The following NNMT variants were observed in gnomAD, a reference collection of about 807,000 sequenced individuals.
The protein encoded by NNMT is nicotinamide N-methyltransferase.
In NNMT, 10 loss-of-function variants were observed where a neutral mutation model predicts 11.7. The observed-to-expected ratio is 0.85, with a 90% CI of 0.53 to 1.45. The LOEUF is 1.45. Ranked by LOEUF, NNMT falls within the 40% of genes most tolerant of loss-of-function variation. The pLI is 0.00. For synonymous variants in NNMT, 143 were observed against 133.8 expected (o/e 1.07, Z -0.48); for missense variants, 381 against 319.4 (o/e 1.19, Z -1.47).
Position 114,302,795 on chromosome 11 carries a change from G to A in NNMT, c.362+4637G>A, listed in dbSNP as rs542000232. Among the ~76,000 whole-genome samples the A allele has an allele frequency of 4.6e-5, 7 of 152,172 alleles. No homozygotes were observed. In the East Asian group the frequency reaches 5.8e-4, roughly 13 times the overall value. On this transcript the variant is annotated intron_variant, in intron 2 of 2. Coordinates refer to ENST00000299964, the MANE Select transcript of NNMT (RefSeq NM_006169.3). ...CCCCTTATGATGGTATTAAGAGGTC[G>A]GGGCTTTGAAAGGTCATTAGGTCAT...
Position 114,296,457 on chromosome 11 carries a change from T to C in NNMT, c.-100T>C. 7.9e-7 allele frequency: 1 copy of C among 1,266,328 alleles called. No homozygotes were observed. The highest frequency in any genetic ancestry group is 1.1e-6 in the Non-Finnish European group (1 of 907,910). 78.4% of individuals were successfully genotyped at this position (1,266,328 alleles called of 1,614,324 possible). A position where few individuals can be genotyped will look rare whatever the true frequency, so the allele number is the denominator to read the frequency against. On this transcript the variant is annotated 5_prime_UTR_variant, in exon 1 of 3. Coordinates refer to ENST00000299964, the MANE Select transcript of NNMT (RefSeq NM_006169.3). ...GCTGAACTGATGGAAGGAATGCTGTTAGCCTGAGACTCAGGAAGACAACTT... is the reference window on the plus strand; with the variant it reads ...GCTGAACTGATGGAAGGAATGCTGTCAGCCTGAGACTCAGGAAGACAACTT...
Position 114,278,788 on chromosome 11 carries a change from G to C in NNMT, c.-130+15854G>C, listed in dbSNP as rs143760437. Among the ~76,000 whole-genome samples the C allele has an allele frequency of 3.3e-4, 51 of 152,256 alleles. No individual in the cohort carries two copies. In the East Asian group the frequency reaches 8.1e-3, roughly 24 times the overall value. ...GGTCAGATCAGAAGTTGGATACCAG[G>C]AGAAGCTTGCAGCAGATGGGACCAG... On this transcript the variant is annotated intron_variant, in intron 2 of 4. Transcript: ENST00000535401.
rs142110345 is a variant in NNMT at position 114,266,970 on chromosome 11, A to G, written c.-130+4036A>G. Among the ~76,000 whole-genome samples the G allele has an allele frequency of 3.5e-4, 53 of 152,360 alleles. No homozygotes were observed. In the East Asian group the frequency reaches 9.1e-3, roughly 26 times the overall value. ...AATAGACTGAGAAACCATCCCATCT[A>G]TAGTTTGTTTTCAGCTGGGCACGGT... On this transcript the variant is annotated intron_variant, in intron 2 of 4. Transcript: ENST00000535401.
At chr11:114,310,452 G>C (rs763142336) in intron 2 of NNMT, among the ~76,000 whole-genome samples, 2 of 152,198 alleles carry the variant, frequency 1.3e-5, no homozygotes, top group Non-Finnish European at 2.9e-5. Context: ...GATTATATTC[G>C]CTAGGATTAA....
chr11:114,262,731 AC>A (rs1565717418), intron 1 of NNMT: 1 of 152,218 alleles, frequency 6.6e-6, no homozygotes, highest in African/African-American at 2.4e-5. Context: ...CTAGGACTCT[AC>A]TATAGAGCCA....
intron 2 of NNMT, among the ~76,000 whole-genome samples, chr11:114,304,988 G>T (rs1458125289): frequency 1.3e-5 from 2 of 151,070 alleles, no homozygotes; most frequent in East Asian, 1.9e-4. Flanking sequence ...TGTAGAAGCT[G>T]CATTACTTAA....
intron 2 of NNMT, among the ~76,000 whole-genome samples, chr11:114,280,573 T>C (rs923300483): frequency 1.3e-5 from 2 of 151,720 alleles, no homozygotes; most frequent in Non-Finnish European, 2.9e-5. Flanking sequence ...CAGAGAAGGG[T>C]CTTAGGTACT....
chr11:114,264,698 C>T (rs1012916088), intron 2 of NNMT, among the ~76,000 whole-genome samples: 1 of 152,238 alleles, frequency 6.6e-6, no homozygotes, highest in African/African-American at 2.4e-5. Flanking sequence ...TTGATCCGTG[C>T]TTCTGATGAC....
chr11:114,287,873 C>A (rs551138427), intron 2 of NNMT, among the ~76,000 whole-genome samples: 1 of 152,076 alleles, frequency 6.6e-6, no homozygotes, highest in Non-Finnish European at 1.5e-5. Context: ...CATGAAGTGG[C>A]GTATTTCTCC....
Position 114,308,851 on chromosome 11 carries a change from A to T in NNMT, c.363-3194A>T, listed in dbSNP as rs186321114. Among the ~76,000 whole-genome samples the T allele has an allele frequency of 5.9e-4, 90 of 152,220 alleles. 2 individuals are homozygous for T. The South Asian group carries it at 0.018, about 30-fold the overall frequency. On this transcript the variant is annotated intron_variant, in intron 2 of 2. Coordinates refer to ENST00000299964, the MANE Select transcript of NNMT (RefSeq NM_006169.3). ...GCTGTGTGTCCAAGGACAAGCAGGGATCTATGACACTGGGTGTTTCTAGCA... is the reference window on the plus strand; with the variant it reads ...GCTGTGTGTCCAAGGACAAGCAGGGTTCTATGACACTGGGTGTTTCTAGCA...
At position 114,291,079 on chromosome 11, in the gene NNMT, C is replaced by G. The variant is rs537440033; in HGVS notation, c.-129-5349C>G. 9.2e-5 allele frequency among the ~76,000 whole-genome samples: 14 copies of G among 152,278 alleles called. No individual in the cohort carries two copies. In the East Asian group the frequency reaches 2.5e-3, roughly 27 times the overall value. ...ACTGGACTTCTAAACATAGTCCTTCCTAGACTGTTACAATGATTAAATGAG... is the reference window on the plus strand; with the variant it reads ...ACTGGACTTCTAAACATAGTCCTTCGTAGACTGTTACAATGATTAAATGAG... On this transcript the variant is annotated intron_variant, in intron 2 of 4. Transcript: ENST00000535401.
intron 2 of NNMT, among the ~76,000 whole-genome samples, chr11:114,291,396 A>G (rs1565724322): frequency 6.6e-6 from 1 of 152,156 alleles, no homozygotes; most frequent in Non-Finnish European, 1.5e-5. Context: ...TGCACACACA[A>G]CTTTCCTTTG....
chr11:114,279,166 G>T (rs1945239573), intron 2 of NNMT, among the ~76,000 whole-genome samples: 1 of 152,162 alleles, frequency 6.6e-6, no homozygotes, highest in Non-Finnish European at 1.5e-5. Context: ...TATTGCTATT[G>T]GCCTCACGGG....
chr11:114,312,208 T>C lies in NNMT; in HGVS notation c.526T>C (p.Tyr176His). ...LDAACPDLPT[Y>H]CRALRNLGSL... Reference sequence around the variant, plus strand: ...TGCCGCCTGCCCAGACCTCCCCACCTACTGCAGGGCGCTCAGGAACCTCGG... The same window carrying C: ...TGCCGCCTGCCCAGACCTCCCCACCCACTGCAGGGCGCTCAGGAACCTCGG... The change falls in exon 3 of 3, where the codon TAC (tyrosine) becomes CAC (histidine). Residue 176 changes from tyrosine to histidine, a missense_variant. Coordinates refer to ENST00000299964, the MANE Select transcript of NNMT (RefSeq NM_006169.3). 1 of 1,614,200 alleles carries C rather than the reference T, an allele frequency of 6.2e-7. No homozygotes were observed. Among genetic ancestry groups the C allele is most frequent in the Admixed American group, 1.7e-5 (1 of 60,028 alleles).
At chr11:114,294,477 C>CAAA (rs60331768), upstream of NNMT, among the ~76,000 whole-genome samples, 473 of 123,312 alleles carry the variant, frequency 3.8e-3, 9 homozygotes, top group South Asian at 8.2e-3. Flanking sequence ...GACTCCACAT[C>CAAA]AAAAAAAAAA....
At chr11:114,284,683 C>T (rs892085869) in intron 2 of NNMT, among the ~76,000 whole-genome samples, 7 of 150,582 alleles carry the variant, frequency 4.6e-5, no homozygotes, top group African/African-American at 1.7e-4. Context: ...AGGATGGTCT[C>T]GATCTCCTGA....
chr11:114,286,426 A>G (rs1170135497), intron 2 of NNMT, among the ~76,000 whole-genome samples: 1 of 152,144 alleles, frequency 6.6e-6, no homozygotes, highest in East Asian at 1.9e-4. Flanking sequence ...CTCCCCAGTC[A>G]CCCACAGGCA....
chr11:114,294,876 T>C (rs1461087367), upstream of NNMT, among the ~76,000 whole-genome samples: 1 of 152,178 alleles, frequency 6.6e-6, no homozygotes, highest in Non-Finnish European at 1.5e-5. Context: ...GTTTTTTGGC[T>C]CTCAGTGTAT....
chr11:114,284,627 C>G (rs1386586351), intron 2 of NNMT, among the ~76,000 whole-genome samples: 1 of 151,804 alleles, frequency 6.6e-6, no homozygotes, highest in East Asian at 1.9e-4. Flanking sequence ...CCACACCCGA[C>G]TGATTTTTGT....
Sources: allele counts gnomAD v4.1 joint callset (sites outside exome capture counted in the v4.1 genomes callset), GRCh38; gene constraint gnomAD v4.1.1; transcripts MANE v1.5; gene names NCBI Gene and HGNC (gene_info 2026-07-23, HGNC 2026-07-21).